Variants in DIP2B observed in about 807,000 individuals in gnomAD.
DIP2B encodes disco-interacting protein 2 homolog B.
A neutral mutation model predicts 198.0 loss-of-function variants in DIP2B; 76 were observed. That is an observed-to-expected ratio of 0.38 (90% CI 0.32 to 0.46). The LOEUF is 0.46. Among genes scored for constraint, DIP2B ranks in the 20% least tolerant of loss-of-function variants. The pLI, the probability that DIP2B is intolerant of heterozygous loss-of-function variation, is 0.99. For missense variants in DIP2B, 1,559 were observed against 1,978.4 expected (o/e 0.79, Z 4.02); for synonymous variants, 701 against 739.1 (o/e 0.95, Z 0.84).
At chr12:50,646,717 C>T (rs980779114) in intron 3 of DIP2B, among the ~76,000 whole-genome samples, 2 of 152,088 alleles carry the variant, frequency 1.3e-5, no homozygotes, top group South Asian at 2.1e-4. Flanking sequence ...CCACCATGCC[C>T]GGCCCAGTTA....
At chr12:50,730,227 A>G (rs1000466544) in intron 30 of DIP2B, among the ~76,000 whole-genome samples, 3 of 152,216 alleles carry the variant, frequency 2.0e-5, no homozygotes, top group Non-Finnish European at 2.9e-5. Context: ...AAACTCCTTC[A>G]TAGGATGGTT....
intron 2 of DIP2B, among the ~76,000 whole-genome samples, chr12:50,628,780 T>C (rs1014142685): frequency 6.6e-6 from 1 of 152,254 alleles, no homozygotes; most frequent in Non-Finnish European, 1.5e-5. Context: ...CAGCCCGTTT[T>C]AGTTCCTTCT....
At chr12:50,599,380 C>A (rs970056753) in intron 1 of DIP2B, among the ~76,000 whole-genome samples, 7 of 152,008 alleles carry the variant, frequency 4.6e-5, no homozygotes, top group African/African-American at 1.7e-4. Context: ...CTTTGGGAGG[C>A]CAAGGTGGGT....
At chr12:50,626,646 G>T (rs1201121529) in intron 2 of DIP2B, among the ~76,000 whole-genome samples, 3 of 152,138 alleles carry the variant, frequency 2.0e-5, no homozygotes, top group Admixed American at 6.6e-5. Context: ...CAGATTGCAG[G>T]ATTTCCTTTG....
chr12:50,585,908 A>C (rs1958766369), intron 1 of DIP2B, among the ~76,000 whole-genome samples: 1 of 152,200 alleles, frequency 6.6e-6, no homozygotes, highest in South Asian at 2.1e-4. Flanking sequence ...TATCACTATA[A>C]GCTCTATAAA....
intron 1 of DIP2B, among the ~76,000 whole-genome samples, chr12:50,609,602 C>A (rs1357150136): frequency 6.6e-6 from 1 of 152,220 alleles, no homozygotes; most frequent in Non-Finnish European, 1.5e-5. Context: ...CATTTAAGAG[C>A]AAGATCTGGA....
chr12:50,683,452 A>G (rs1473669015), intron 10 of DIP2B, among the ~76,000 whole-genome samples: 1 of 152,178 alleles, frequency 6.6e-6, no homozygotes, highest in Admixed American at 6.5e-5. Context: ...TTGTATTAAG[A>G]TAGAGTTTGT....
intron 19 of DIP2B, among the ~76,000 whole-genome samples, chr12:50,703,094 G>T (rs1003801789): frequency 2.0e-5 from 3 of 151,836 alleles, no homozygotes; most frequent in Non-Finnish European, 2.9e-5. Context: ...GTGGTAACCC[G>T]CACCTGTACT....
intron 4 of DIP2B, among the ~76,000 whole-genome samples, chr12:50,661,094 A>T (rs528715660): frequency 4.3e-4 from 66 of 152,040 alleles, no homozygotes; most frequent in Non-Finnish European, 5.7e-4. Flanking sequence ...CTTAAAAAAA[A>T]TTTTTTTTGA....
Position 50,719,010 on chromosome 12 carries a change from T to C in DIP2B, c.3017T>C (p.Val1006Ala). ...CGAGCCCAGGCGACTCCTGACCATG[T>C]ACTCTTCATGCTGTTAAATGCCAAG... ...QWRAQATPDH[V>A]LFMLLNAKGT... The change falls in exon 25 of 38, where the codon GTA becomes GCA. Residue 1006 changes from valine (V) to alanine (A), a missense_variant. Val to Ala is a moderately conservative substitution (Grantham distance 64). Coordinates refer to ENST00000301180, the MANE Select transcript of DIP2B (RefSeq NM_173602.3). 1 of 1,614,210 alleles carries C rather than the reference T, an allele frequency of 6.2e-7. No individual in the cohort carries two copies. The highest frequency in any genetic ancestry group is 8.5e-7 in the Non-Finnish European group (1 of 1,180,018).
intron 19 of DIP2B, among the ~76,000 whole-genome samples, chr12:50,703,290 T>C (rs757453140): frequency 6.6e-6 from 1 of 151,896 alleles, no homozygotes; most frequent in Non-Finnish European, 1.5e-5. Context: ...CGGTACCAGA[T>C]TGGCAAAGTT....
At chr12:50,672,049 G>A (rs1938865228) in intron 5 of DIP2B, among the ~76,000 whole-genome samples, 1 of 152,102 alleles carries the variant, frequency 6.6e-6, no homozygotes, top group African/African-American at 2.4e-5. Flanking sequence ...CTCTGCTTTT[G>A]CTTAATTGGT....
chr12:50,612,727 C>A (rs1410818705), intron 1 of DIP2B, among the ~76,000 whole-genome samples: 1 of 152,230 alleles, frequency 6.6e-6, no homozygotes, highest in African/African-American at 2.4e-5. Context: ...CCACACCCAG[C>A]CTTTCCCATA....
rs775465152 is a variant in DIP2B, at chr12:50,697,161, T to A, written c.2034T>A (p.Thr678=). 1 of 1,614,054 alleles carries A rather than the reference T, an allele frequency of 6.2e-7. No individual in the cohort carries two copies. The highest frequency in any genetic ancestry group is 1.1e-5 in the South Asian group (1 of 91,060). ...CPCATSAEAM[T]VAIRRPGVPG... ...GCGCCACGTCTGCTGAAGCCATGAC[T>A]GTAGCAATCCGCAGGTACTGTTCAG... The change falls in exon 17 of 38, where the codon ACT becomes ACA. Residue 678 remains threonine, a synonymous_variant. Transcript: ENST00000301180.
At chr12:50,559,712 C>CAT (rs1565824380) in intron 1 of DIP2B, among the ~76,000 whole-genome samples, 1 of 146,680 alleles carries the variant, frequency 6.8e-6, no homozygotes, top group East Asian at 2.0e-4. Context: ...ACAGAAACCA[C>CAT]ACACACACAC....
At chr12:50,608,482 T>A (rs1220270138) in intron 1 of DIP2B, among the ~76,000 whole-genome samples, 1 of 151,672 alleles carries the variant, frequency 6.6e-6, no homozygotes, top group Non-Finnish European at 1.5e-5. Context: ...CATAGCTGGG[T>A]CCACGTGGTG....
At chr12:50,519,650 C>T (rs1376017722) in intron 1 of DIP2B, among the ~76,000 whole-genome samples, 1 of 152,082 alleles carries the variant, frequency 6.6e-6, no homozygotes, top group African/African-American at 2.4e-5. Context: ...CCTCGAGCTT[C>T]TGGGTTATTG....
intron 1 of DIP2B, among the ~76,000 whole-genome samples, chr12:50,534,897 T>A (rs902515782): frequency 6.6e-6 from 1 of 152,152 alleles, no homozygotes; most frequent in African/African-American, 2.4e-5. Context: ...ATTAGATCTG[T>A]TTATCAAAGT....
intron 3 of DIP2B, among the ~76,000 whole-genome samples, chr12:50,648,105 C>T (rs532211515): frequency 6.6e-6 from 1 of 152,106 alleles, no homozygotes; most frequent in South Asian, 2.1e-4. Context: ...TGCTCCAACA[C>T]TCCGTCTCAA....
Sources: gnomAD v4.1 joint callset for allele counts (sites outside exome capture counted in the v4.1 genomes callset) on GRCh38, gnomAD v4.1.1 for gene constraint, MANE v1.5 for transcripts, NCBI Gene and HGNC (gene_info 2026-07-23, HGNC 2026-07-21) for gene names.